ARHGEF10: variants seen among roughly 807,000 people sequenced by gnomAD.
ARHGEF10 encodes Rho guanine nucleotide exchange factor 10, also known as Rho guanine nucleotide exchange factor (GEF) 10.
A neutral mutation model predicts 147.4 loss-of-function variants in ARHGEF10; 140 were observed. The observed-to-expected ratio is 0.95, with a 90% CI of 0.83 to 1.09. The LOEUF (loss-of-function observed/expected upper bound fraction) is 1.09. Among genes scored for constraint, ARHGEF10 ranks in the 50% least tolerant of loss-of-function variants. ARHGEF10 has a pLI of 0.00. For synonymous variants in ARHGEF10, 902 were observed against 695.8 expected (o/e 1.30, Z -4.67); for missense variants, 2,222 against 1,752.7 (o/e 1.27, Z -4.78).
chr8:1,946,649 G>A (rs527690384), intron 27 of ARHGEF10, among the ~76,000 whole-genome samples: 40 of 152,308 alleles, frequency 2.6e-4, no homozygotes, highest in African/African-American at 9.1e-4. Context: ...ATCCCACTGC[G>A]GGCAGGGCTT....
chr8:1,901,820 G>C (rs900811218), intron 15 of ARHGEF10, among the ~76,000 whole-genome samples: 1 of 152,188 alleles, frequency 6.6e-6, no homozygotes, highest in African/African-American at 2.4e-5. Flanking sequence ...GAAAACAAAT[G>C]TATAGAATAG....
chr8:1,841,391 G>C (rs542214688), intron 1 of ARHGEF10, among the ~76,000 whole-genome samples: 3 of 152,332 alleles, frequency 2.0e-5, no homozygotes, highest in East Asian at 1.9e-4. Context: ...AAGCAGAAAG[G>C]GGGTCAGAGA....
intron 7 of ARHGEF10, among the ~76,000 whole-genome samples, chr8:1,871,785 C>G (rs147642796): frequency 6.6e-6 from 1 of 152,146 alleles, no homozygotes; most frequent in Non-Finnish European, 1.5e-5. Context: ...CCACTACACT[C>G]CAGCCTGGGC....
chr8:1,827,196 C>T (rs1802821406), intron 1 of ARHGEF10, among the ~76,000 whole-genome samples: 1 of 152,242 alleles, frequency 6.6e-6, no homozygotes, highest in Non-Finnish European at 1.5e-5. Flanking sequence ...ACACACACTT[C>T]TGCCACATCT....
At chr8:1,911,351 C>G (rs995918193) in intron 18 of ARHGEF10, among the ~76,000 whole-genome samples, 3 of 152,132 alleles carry the variant, frequency 2.0e-5, no homozygotes, top group Admixed American at 2.0e-4. Flanking sequence ...ACCATTTTTC[C>G]ATGGGACATC....
chr8:1,841,669 C>G (rs1295455315), intron 1 of ARHGEF10, among the ~76,000 whole-genome samples: 1 of 152,012 alleles, frequency 6.6e-6, no homozygotes, highest in Non-Finnish European at 1.5e-5. Flanking sequence ...GGGCTCCCAT[C>G]CCTCAAACCG....
At chr8:1,864,252 A>G (rs944495971) in intron 4 of ARHGEF10, 121 bp from the exon 5 acceptor site, 31 of 974,052 alleles carry the variant, frequency 3.2e-5, no homozygotes, top group Middle Eastern at 2.1e-4. Flanking sequence ...AATCACCCTT[A>G]TGCTAAGATA....
At chr8:1,837,410 C>G (rs966293229) in intron 1 of ARHGEF10, among the ~76,000 whole-genome samples, 2 of 152,248 alleles carry the variant, frequency 1.3e-5, no homozygotes, top group African/African-American at 4.8e-5. Flanking sequence ...TGTTGTTCAT[C>G]TTTCCGTTGG....
chr8:1,869,143 C>G (rs760898291), intron 6 of ARHGEF10, 51 bp from the exon 7 acceptor site: 7 of 1,510,072 alleles, frequency 4.6e-6, no homozygotes, highest in Non-Finnish European at 6.5e-6. Context: ...ATTTAAATTG[C>G]ACTAGGTTTT....
chr8:1,853,218 A>G (rs1027855893), intron 2 of ARHGEF10, among the ~76,000 whole-genome samples: 3 of 152,148 alleles, frequency 2.0e-5, no homozygotes, highest in Non-Finnish European at 4.4e-5. Flanking sequence ...CAGGAGGGGC[A>G]CAGAGCCTCT....
chr8:1,933,476 C>T (rs1813314873), intron 25 of ARHGEF10, among the ~76,000 whole-genome samples: 1 of 146,934 alleles, frequency 6.8e-6, no homozygotes, highest in African/African-American at 2.5e-5. Flanking sequence ...AGGATGGTCT[C>T]GATCTTACCC....
intron 11 of ARHGEF10, among the ~76,000 whole-genome samples, chr8:1,891,590 G>A (rs1809532872): frequency 6.6e-6 from 1 of 152,146 alleles, no homozygotes; most frequent in African/African-American, 2.4e-5. Context: ...AGGCCTAGGA[G>A]CCTCTCTGAT....
intron 2 of ARHGEF10, among the ~76,000 whole-genome samples, chr8:1,852,605 T>C (rs892554640): frequency 1.3e-5 from 2 of 152,206 alleles, no homozygotes; most frequent in Admixed American, 1.3e-4. Context: ...GATTGTCAGG[T>C]AACTTCCTCG....
chr8:1,931,508 G>A (rs753631973), intron 25 of ARHGEF10, among the ~76,000 whole-genome samples: 113 of 152,278 alleles, frequency 7.4e-4, no homozygotes, highest in Non-Finnish European at 1.1e-3. Context: ...TCTGCTGAAC[G>A]TGTCTCTTCG....
rs1268338952 is a variant in ARHGEF10 at position 1,933,901 on chromosome 8, G to T, written c.3181G>T (p.Gly1061Cys). The change falls in exon 26 of 29, where the codon GGT (glycine) becomes TGT (cysteine). Residue 1061 changes from glycine to cysteine, a missense_variant. Physicochemically the swap from Gly to Cys is radical, Grantham distance 159 (BLOSUM62 -3). Transcript: ENST00000349830. ...MEDTLWAASGGQVFIISVETH... is the reference protein window; with the variant it reads ...MEDTLWAASGCQVFIISVETH... ...AGACACGTTGTGGGCGGCTTCCGGAGGTCAAGTCTTCATCATCAGTGTGGA... is the reference window on the plus strand; with the variant it reads ...AGACACGTTGTGGGCGGCTTCCGGATGTCAAGTCTTCATCATCAGTGTGGA... The T allele has an allele frequency of 3.7e-6, 6 of 1,614,170 alleles. No homozygotes were observed. The highest frequency in any genetic ancestry group is 4.2e-6 in the Non-Finnish European group (5 of 1,180,030).
At chr8:1,877,139 T>A (rs1807776358) in intron 8 of ARHGEF10, among the ~76,000 whole-genome samples, 1 of 152,264 alleles carries the variant, frequency 6.6e-6, no homozygotes, top group African/African-American at 2.4e-5. Context: ...GTTTCAACTT[T>A]AGCATGTTCA....
At chr8:1,951,906 G>T (rs1815079528) in intron 27 of ARHGEF10, among the ~76,000 whole-genome samples, 1 of 152,164 alleles carries the variant, frequency 6.6e-6, no homozygotes, top group Non-Finnish European at 1.5e-5. Context: ...GTGAGGTGGG[G>T]TCTTCCTTGT....
chr8:1,939,369 AG>A (rs527618122), intron 26 of ARHGEF10, among the ~76,000 whole-genome samples: 38 of 152,358 alleles, frequency 2.5e-4, no homozygotes, highest in African/African-American at 8.9e-4. Context: ...GAGCAACCAC[AG>A]ATGGTTAAGA....
In ARHGEF10 at chr8:1,905,709, A is replaced by C. The variant is rs1489061560; in HGVS notation, c.1960A>C (p.Ser654Arg). ...TGATGTGTTAATGTGTGCCACCGTC[A>C]GCTCACGGTAAGTGCATAAATTCTC... ...LNDVLMCATVSSRPSHDSRVM... is the reference protein window; with the variant it reads ...LNDVLMCATVRSRPSHDSRVM... Residue 654 changes from serine (S) to arginine (R), a missense_variant, in exon 17 of 29, where the codon AGC (serine) becomes CGC (arginine). Coordinates refer to ENST00000349830, the MANE Select transcript of ARHGEF10 (RefSeq NM_014629.4). 7.4e-6 allele frequency: 12 copies of C among 1,613,762 alleles called. No individual in the cohort carries two copies. Among genetic ancestry groups the C allele is most frequent in the Non-Finnish European group, 1.0e-5 (12 of 1,180,058 alleles).
Sources: allele counts gnomAD v4.1 joint callset (sites outside exome capture counted in the v4.1 genomes callset), GRCh38; gene constraint gnomAD v4.1.1; transcripts MANE v1.5; gene names NCBI Gene and HGNC (gene_info 2026-07-23, HGNC 2026-07-21).